Variants in FARP1 observed in about 807,000 individuals in gnomAD.
FARP1 encodes FERM, ARH/RhoGEF and pleckstrin domain protein 1, also known as FERM, ARHGEF and pleckstrin domain-containing protein 1.
A neutral mutation model predicts 128.8 loss-of-function variants in FARP1; 52 were observed. That is an observed-to-expected ratio of 0.40 (90% CI 0.32 to 0.51). FARP1 has a LOEUF of 0.51. FARP1 is among the 20% of genes least tolerant of loss of function. FARP1 has a pLI of 0.45. For missense variants in FARP1, 1,333 were observed against 1,367.9 expected (o/e 0.97, Z 0.40); for synonymous variants, 580 against 551.8 (o/e 1.05, Z -0.72).
intron 1 of FARP1, among the ~76,000 whole-genome samples, chr13:98,186,007 G>C (rs1449131268): frequency 6.6e-6 from 1 of 151,938 alleles, no homozygotes; most frequent in Non-Finnish European, 1.5e-5. Context: ...CACATTTACT[G>C]TTTTGATCAT....
Position 98,379,071 on chromosome 13 carries a change from A to G in FARP1, c.496+1153A>G, listed in dbSNP as rs1366204938. Among the ~76,000 whole-genome samples the G allele has an allele frequency of 3.3e-5, 3 of 90,226 alleles. 1 individual carries two copies. Among genetic ancestry groups the G allele is most frequent in the Non-Finnish European group, 6.0e-5 (3 of 49,980 alleles). The allele number at this position is 90,226 out of a possible 152,430, so 59.2% of individuals were successfully genotyped here. A position where few individuals can be genotyped will look rare whatever the true frequency, so the allele number is the denominator to read the frequency against. On this transcript the variant is annotated intron_variant, in intron 6 of 26. Coordinates refer to ENST00000319562, the MANE Select transcript of FARP1 (RefSeq NM_005766.4). The stretch of plus-strand genomic sequence containing the variant: ...GTAATCTATATATAATATATAATAT[A>G]TGTAATATGTAATCTATATATAATA...
chr13:98,236,736 T>C (rs894473924), intron 2 of FARP1, among the ~76,000 whole-genome samples: 4 of 152,212 alleles, frequency 2.6e-5, no homozygotes, highest in African/African-American at 9.6e-5. Context: ...ACGCCTGTAA[T>C]GTTAGTACTT....
At chr13:98,350,255 G>A (rs1888360877) in intron 3 of FARP1, among the ~76,000 whole-genome samples, 1 of 152,216 alleles carries the variant, frequency 6.6e-6, no homozygotes, top group African/African-American at 2.4e-5. Flanking sequence ...AGATGCTCCA[G>A]CTCTCAAGTG....
In FARP1 at chr13:98,377,542, T is replaced by C. The variant is rs1284233119; in HGVS notation, c.399-279T>C. Reference sequence around the variant, plus strand: ...ATATTTCCTGTACGCTACAAAAATATATAGCATGCTAGGTTATGGTCTCAC... The same window carrying C: ...ATATTTCCTGTACGCTACAAAAATACATAGCATGCTAGGTTATGGTCTCAC... On this transcript the variant is annotated intron_variant, in intron 5 of 26. Coordinates refer to ENST00000319562, the MANE Select transcript of FARP1 (RefSeq NM_005766.4). Among the ~76,000 whole-genome samples, 3 of 152,300 alleles carry C rather than the reference T, an allele frequency of 2.0e-5. No homozygotes were observed. The East Asian group carries it at 5.8e-4, about 29-fold the overall frequency.
At chr13:98,423,635 G>A (rs560760242) in intron 16 of FARP1, among the ~76,000 whole-genome samples, 41 of 152,298 alleles carry the variant, frequency 2.7e-4, no homozygotes, top group Middle Eastern at 3.4e-3. Flanking sequence ...GCTCCTGTGC[G>A]AGTTCACACC....
intron 26 of FARP1, chr13:98,447,083 C>CTGT (rs1329899905): frequency 6.7e-6 from 3 of 449,538 alleles, no homozygotes; most frequent in African/African-American, 5.9e-5. Flanking sequence ...CATAACGTGT[C>CTGT]CGGGATGATG....
chr13:98,220,709 G>T (rs567040771), intron 2 of FARP1, among the ~76,000 whole-genome samples: 1 of 152,002 alleles, frequency 6.6e-6, no homozygotes, highest in African/African-American at 2.4e-5. Context: ...CCTTTCTGGC[G>T]TCTCAGGAGC....
intron 2 of FARP1, among the ~76,000 whole-genome samples, chr13:98,295,091 ACACACACACACACATATAT>A (rs1885617860): frequency 1.7e-5 from 1 of 59,666 alleles, no homozygotes. Flanking sequence ...ACACACACAC[ACACACACACACACATATAT>A]CCCCAGGCAT....
intron 2 of FARP1, chr13:98,329,057 AT>A (rs1887365446): frequency 6.6e-6 from 1 of 152,120 alleles, no homozygotes; most frequent in Admixed American, 6.5e-5. Context: ...CATATATTTA[AT>A]TTTTTCTTAA....
intron 24 of FARP1, among the ~76,000 whole-genome samples, chr13:98,443,424 G>A (rs1456836912): frequency 6.6e-6 from 1 of 152,200 alleles, no homozygotes; most frequent in Non-Finnish European, 1.5e-5. Flanking sequence ...GCCCTCATGT[G>A]CCAGACGCCA....
intron 2 of FARP1, among the ~76,000 whole-genome samples, chr13:98,218,134 A>G (rs1354193633): frequency 1.2e-5 from 1 of 80,920 alleles, no homozygotes; most frequent in Non-Finnish European, 2.5e-5. Flanking sequence ...CCCCCACCCC[A>G]CATCCTCGCC....
chr13:98,143,295 C>A lies in FARP1; in HGVS notation c.-221C>A, dbSNP rs1875198809. On this transcript the variant is annotated 5_prime_UTR_variant, in exon 1 of 27. Transcript: ENST00000319562. Reference sequence around the variant, plus strand: ...CCACCCACCCCGCCTGCTCCGCCCTCCCCTCCGCCCCGCGCCACCTTTGAT... The same window carrying A: ...CCACCCACCCCGCCTGCTCCGCCCTACCCTCCGCCCCGCGCCACCTTTGAT... 1.3e-5 allele frequency: 2 copies of A among 149,474 alleles called. No homozygotes were observed. The highest frequency in any genetic ancestry group is 4.9e-5 in the African/African-American group (2 of 41,106). The allele number at this position is 149,474 out of a possible 1,614,324, so 9.3% of individuals were successfully genotyped here. A position where few individuals can be genotyped will look rare whatever the true frequency, so the allele number is the denominator to read the frequency against.
chr13:98,167,734 G>A (rs1334695083), intron 1 of FARP1, among the ~76,000 whole-genome samples: 2 of 152,004 alleles, frequency 1.3e-5, no homozygotes, highest in Admixed American at 6.6e-5. Context: ...AAAATCTTAT[G>A]TTGTCTTCTA....
At position 98,438,790 on chromosome 13, in the gene FARP1, T is replaced by C; in HGVS notation, c.2275-14T>C. 1 of 1,611,368 alleles carries C rather than the reference T, an allele frequency of 6.2e-7. No homozygotes were observed. Among genetic ancestry groups the C allele is most frequent in the Non-Finnish European group, 8.5e-7 (1 of 1,179,156 alleles). On this transcript the variant is annotated splice_polypyrimidine_tract_variant and intron_variant, in intron 19 of 26. Coordinates refer to ENST00000319562, the MANE Select transcript of FARP1 (RefSeq NM_005766.4). ...CACGCTCGCAGCCAGCCCTCCGGTC[T>C]GTCTCCCCTGCAGGAGTTCATCCGT...
In FARP1 at chr13:98,256,948, G is replaced by GGTATATATATATATAT. The variant is rs59128917; in HGVS notation, c.171+43535_171+43536insGTATATATATATATAT. The stretch of plus-strand genomic sequence containing the variant: ...CAATAATTTTCAAAGTATATATGTG[G>GGTATATATATATATAT]ATATATATATATATATATATATATA... On this transcript the variant is annotated intron_variant, in intron 2 of 26. Coordinates refer to ENST00000319562, the MANE Select transcript of FARP1 (RefSeq NM_005766.4). Among the ~76,000 whole-genome samples, 5 of 77,096 alleles carry GGTATATATATATATAT rather than the reference G, an allele frequency of 6.5e-5. 1 individual carries two copies. The highest frequency in any genetic ancestry group is 4.2e-4 in the East Asian group (1 of 2,374). The allele number at this position is 77,096 out of a possible 152,430, so 50.6% of individuals were successfully genotyped here. A position where few individuals can be genotyped will look rare whatever the true frequency, so the allele number is the denominator to read the frequency against.
In FARP1 at chr13:98,179,261, A is replaced by G. The variant is rs562664776; in HGVS notation, c.-23-33959A>G. 1.9e-4 allele frequency among the ~76,000 whole-genome samples: 29 copies of G among 152,334 alleles called. No individual in the cohort carries two copies. In the South Asian group the frequency reaches 5.6e-3, roughly 29 times the overall value. On this transcript the variant is annotated intron_variant, in intron 1 of 26. Transcript: ENST00000319562. ...GAAAGGGGTTTGCCCTTATAAAACC[A>G]TCAGATCTCATGGGATTTATTCACT...
At chr13:98,395,715 G>A (rs1170239916) in intron 13 of FARP1, 1 of 444,924 alleles carries the variant, frequency 2.2e-6, no homozygotes, top group African/African-American at 2.0e-5. Flanking sequence ...ACTCTGCGAA[G>A]TCCTCCCGGC....
intron 11 of FARP1, among the ~76,000 whole-genome samples, chr13:98,393,104 G>C (rs1212140857): frequency 6.6e-6 from 1 of 152,194 alleles, no homozygotes; most frequent in Non-Finnish European, 1.5e-5. Flanking sequence ...GGGAAGAGAT[G>C]AAAGAGACGT....
chr13:98,254,599 G>A (rs538956044), intron 2 of FARP1, among the ~76,000 whole-genome samples: 2 of 151,962 alleles, frequency 1.3e-5, no homozygotes, highest in Non-Finnish European at 2.9e-5. Context: ...GGTGCAGAAT[G>A]TGATTTAAGC....
Sources: allele counts gnomAD v4.1 joint callset (sites outside exome capture counted in the v4.1 genomes callset), GRCh38; gene constraint gnomAD v4.1.1; transcripts MANE v1.5; gene names NCBI Gene and HGNC (gene_info 2026-07-23, HGNC 2026-07-21).